Variants in SLC16A3 observed in about 807,000 individuals in gnomAD.
SLC16A3 encodes solute carrier family 16 member 3.
Under a neutral mutation model 25.0 loss-of-function variants are expected in SLC16A3, and 22 were observed. The observed-to-expected ratio is 0.88, with a 90% confidence interval of 0.63 to 1.26. The LOEUF is 1.26. Ranked by LOEUF, SLC16A3 falls within the 50% of genes most tolerant of loss-of-function variation. SLC16A3 has a pLI of 0.00. For missense variants in SLC16A3, 731 were observed against 666.6 expected, an observed-to-expected ratio of 1.10 and a Z score of -1.06; for synonymous variants, 390 against 309.2, an observed-to-expected ratio of 1.26 and a Z score of -2.74.
At chr17:82,234,007 ATTTT>A (rs1011927314) in intron 1 of SLC16A3, 1 of 151,808 alleles carries the variant, frequency 6.6e-6, no homozygotes, top group Non-Finnish European at 1.5e-5. Context: ...CGCCCAGCTA[ATTTT>A]TTTTATTTTT....
At position 82,239,860 on chromosome 17, in the gene SLC16A3, C is replaced by A; in HGVS notation, c.*884C>A. On this transcript the variant is annotated 3_prime_UTR_variant, in exon 5 of 5. Transcript: ENST00000582743. Reference sequence around the variant, plus strand: ...CCCAGGGCTGGTCTTTGCACCCTGTCCTCCATCCAGCCCGGCCCAGCGCTT... The same window carrying A: ...CCCAGGGCTGGTCTTTGCACCCTGTACTCCATCCAGCCCGGCCCAGCGCTT... 1 of 545,546 alleles carries A rather than the reference C, an allele frequency of 1.8e-6. No homozygotes were observed. Among genetic ancestry groups the A allele is most frequent in the Non-Finnish European group, 2.8e-6 (1 of 361,274 alleles). 33.8% of individuals were successfully genotyped at this position (545,546 alleles called of 1,614,324 possible).
At chr17:82,232,157 C>G (rs2050507464) in intron 1 of SLC16A3, 1 of 152,082 alleles carries the variant, frequency 6.6e-6, no homozygotes, top group Admixed American at 6.5e-5. Context: ...AGGAAGGAAA[C>G]GAATTACCCT....
At position 82,239,804 on chromosome 17, in the gene SLC16A3, C is replaced by G. The variant is rs2050714202; in HGVS notation, c.*828C>G. 2.5e-6 allele frequency: 1 copy of G among 402,834 alleles called. No individual in the cohort carries two copies. Among genetic ancestry groups the G allele is most frequent in the African/African-American group, 2.1e-5 (1 of 48,700 alleles). 25.0% of individuals were successfully genotyped at this position (402,834 alleles called of 1,614,324 possible). A position where few individuals can be genotyped will look rare whatever the true frequency, so the allele number is the denominator to read the frequency against. ...TGCCTTCCCTTTTTCGCCCCTCTGCCTGGCTGGCAGTGTGCGTGGTGTGGT... is the reference window on the plus strand; with the variant it reads ...TGCCTTCCCTTTTTCGCCCCTCTGCGTGGCTGGCAGTGTGCGTGGTGTGGT... On this transcript the variant is annotated 3_prime_UTR_variant, in exon 5 of 5. Coordinates refer to ENST00000582743, the MANE Select transcript of SLC16A3 (RefSeq NM_004207.4).
chr17:82,236,900 C>T (rs775051739), intron 3 of SLC16A3, 28 bp downstream of exon 3: 38 of 1,600,032 alleles, frequency 2.4e-5, no homozygotes, highest in African/African-American at 5.3e-5. Flanking sequence ...GTGGGCCGCA[C>T]GTGCCAGGAG....
intron 3 of SLC16A3, 120 bp downstream of exon 3, chr17:82,236,992 C>T (rs1599559668): frequency 2.0e-6 from 3 of 1,478,672 alleles, no homozygotes; most frequent in Non-Finnish European, 2.7e-6. Flanking sequence ...GTCCCGGCCC[C>T]ACCTCGTTGT....
rs960562488 is a variant in SLC16A3 at position 82,239,366 on chromosome 17, G to A, written c.*390G>A. ...TGCTGCGTGGGGCCCTCTCCAGCCC[G>A]TCCTACCCTGGGCTCACATGGGGCC... On this transcript the variant is annotated 3_prime_UTR_variant, in exon 5 of 5. Coordinates refer to ENST00000582743, the MANE Select transcript of SLC16A3 (RefSeq NM_004207.4). The A allele has an allele frequency of 3.1e-5, 6 of 192,474 alleles. No homozygotes were observed. Among genetic ancestry groups the A allele is most frequent in the Non-Finnish European group, 6.3e-5 (6 of 94,496 alleles). 11.9% of individuals were successfully genotyped at this position (192,474 alleles called of 1,614,324 possible).
upstream of SLC16A3, among the ~76,000 whole-genome samples, chr17:82,227,080 C>A (rs2050427208): frequency 6.6e-6 from 1 of 152,144 alleles, no homozygotes; most frequent in African/African-American, 2.4e-5. Context: ...TCTGGGTGGA[C>A]AGTCCTGGGG....
intron 4 of SLC16A3, 96 bp downstream of exon 4, chr17:82,237,989 C>G (rs547013241): frequency 7.1e-7 from 1 of 1,400,100 alleles, no homozygotes; most frequent in South Asian, 1.3e-5. Flanking sequence ...GGCAGCCACC[C>G]GCAGTGTGGG....
At chr17:82,218,380 TGGG>T (rs1244334227) in intron 1 of SLC16A3, among the ~76,000 whole-genome samples, 1 of 53,838 alleles carries the variant, frequency 1.9e-5, no homozygotes, top group African/African-American at 8.7e-5. Context: ...CCTCGGTCAC[TGGG>T]GGGGTGGACG....
Position 82,239,710 on chromosome 17 carries a change from T to C in SLC16A3, c.*734T>C. On this transcript the variant is annotated 3_prime_UTR_variant, in exon 5 of 5. Coordinates refer to ENST00000582743, the MANE Select transcript of SLC16A3 (RefSeq NM_004207.4). Reference sequence around the variant, plus strand: ...AATGTGCCAGGGAGCCCCTACGTGGTGGTTAGATGGGAGCTGAGGTGGAAC... The same window carrying C: ...AATGTGCCAGGGAGCCCCTACGTGGCGGTTAGATGGGAGCTGAGGTGGAAC... The C allele has an allele frequency of 5.5e-6, 2 of 364,558 alleles. No homozygotes were observed. The highest frequency in any genetic ancestry group is 8.0e-5 in the East Asian group (2 of 25,022). 22.6% of individuals were successfully genotyped at this position (364,558 alleles called of 1,614,324 possible). A position where few individuals can be genotyped will look rare whatever the true frequency, so the allele number is the denominator to read the frequency against.
chr17:82,233,499 C>T (rs191179922), intron 1 of SLC16A3, among the ~76,000 whole-genome samples: 3 of 152,276 alleles, frequency 2.0e-5, no homozygotes, highest in East Asian at 3.9e-4. Context: ...TGTCCCCTGC[C>T]TCCCCACACG....
At position 82,238,830 on chromosome 17, in the gene SLC16A3, C is replaced by A. The variant is rs895916687; in HGVS notation, c.1252C>A (p.Gln418Lys). ...FCIRKKPKEP[Q>K]PEVAAAEEEK... ...CATTAGGAAGAAGCCCAAAGAGCCA[C>A]AGCCTGAGGTGGCGGCCGCGGAGGA... Residue 418 changes from glutamine to lysine, a missense_variant, in exon 5 of 5, where the codon CAG (glutamine) becomes AAG (lysine). Transcript: ENST00000582743. 3.7e-6 allele frequency: 6 copies of A among 1,612,736 alleles called. No homozygotes were observed. The highest frequency in any genetic ancestry group is 2.7e-5 in the African/African-American group (2 of 74,938).
At chr17:82,227,690 C>T (rs542160451), upstream of SLC16A3, among the ~76,000 whole-genome samples, 104 of 149,130 alleles carry the variant, frequency 7.0e-4, 4 homozygotes, top group Middle Eastern at 3.4e-3. Context: ...GGGAGCAGCA[C>T]GGGCCAACTA....
At chr17:82,227,131 C>G (rs2050427666), upstream of SLC16A3, among the ~76,000 whole-genome samples, 2 of 152,190 alleles carry the variant, frequency 1.3e-5, no homozygotes, top group Non-Finnish European at 2.9e-5. Context: ...GGGGCCAGGC[C>G]TGGGGGTCAG....
At chr17:82,228,852 T>C (rs2147112227), upstream of SLC16A3, among the ~76,000 whole-genome samples, 1 of 150,430 alleles carries the variant, frequency 6.6e-6, no homozygotes, top group South Asian at 2.1e-4. Context: ...CCGGTTCCGG[T>C]TGGGGGGGTC....
chr17:82,227,622 C>CGCCTGCCCTGGGCGGG (rs2050433466), upstream of SLC16A3, among the ~76,000 whole-genome samples: 2 of 23,850 alleles, frequency 8.4e-5, no homozygotes, highest in African/African-American at 1.9e-4. Context: ...GCGGGAGCAC[C>CGCCTGCCCTGGGCGGG]ACCTGCCCTG....
At position 82,239,092 on chromosome 17, in the gene SLC16A3, GC is replaced by G; in HGVS notation, c.*119del. 9.6e-7 allele frequency: 1 copy of G among 1,043,162 alleles called. No homozygotes were observed. Among genetic ancestry groups the G allele is most frequent in the Non-Finnish European group, 1.3e-6 (1 of 744,002 alleles). 64.6% of individuals were successfully genotyped at this position (1,043,162 alleles called of 1,614,324 possible). A position where few individuals can be genotyped will look rare whatever the true frequency, so the allele number is the denominator to read the frequency against. On this transcript the variant is annotated 3_prime_UTR_variant, in exon 5 of 5. Coordinates refer to ENST00000582743, the MANE Select transcript of SLC16A3 (RefSeq NM_004207.4). ...GGCCACGGCTGGGCTCCAGCTGCCG[GC>G]CCAGCGGATCGTCGCCCGATCAGTG...
upstream of SLC16A3, among the ~76,000 whole-genome samples, chr17:82,227,644 C>CACCTGCCCTGGGCGGGAGCACT (rs1568531615): frequency 6.5e-4 from 14 of 21,692 alleles, no homozygotes; most frequent in South Asian, 2.9e-3. Context: ...GCGGGAGCAC[C>CACCTGCCCTGGGCGGGAGCACT]ACCTGCCCTG....
At chr17:82,226,248 C>T (rs909811821), upstream of SLC16A3, among the ~76,000 whole-genome samples, 2 of 152,044 alleles carry the variant, frequency 1.3e-5, no homozygotes, top group Non-Finnish European at 1.5e-5. Flanking sequence ...CAGAGGGGGG[C>T]GTCCTGTGAA....
Sources: allele counts gnomAD v4.1 joint callset (sites outside exome capture counted in the v4.1 genomes callset), GRCh38; gene constraint gnomAD v4.1.1; transcripts MANE v1.5; gene names NCBI Gene and HGNC (gene_info 2026-07-23, HGNC 2026-07-21).